UNK: variants seen among roughly 807,000 people sequenced by gnomAD.
UNK encodes the protein unk zinc finger.
Under a neutral mutation model 97.6 loss-of-function variants are expected in UNK, and 32 were observed. The observed-to-expected ratio is 0.33, with a 90% CI of 0.25 to 0.44. The LOEUF (loss-of-function observed/expected upper bound fraction) is 0.44, where lower values mean the gene tolerates loss of function less well. UNK is among the 20% of genes least tolerant of loss of function. UNK has a pLI of 1.00. For synonymous variants in UNK, 441 were observed against 461.2 expected, an observed-to-expected ratio of 0.96 and a Z score of 0.56; for missense variants, 771 against 1,098.4, an observed-to-expected ratio of 0.70 and a Z score of 4.21.
At chr17:75,814,926 G>A (rs1196405648) in intron 6 of UNK, among the ~76,000 whole-genome samples, 6 of 152,180 alleles carry the variant, frequency 3.9e-5, no homozygotes, top group Admixed American at 3.9e-4. Context: ...GGATCCCTTT[G>A]GGAGGGCTGG....
Position 75,823,535 on chromosome 17 carries a change from C to G in UNK, c.2277+13C>G. On this transcript the variant is annotated intron_variant, in intron 15 of 15. Transcript: ENST00000589666. ...ACAAGTGGACAAGGTCAGCCCAGGTCGGGGAGCACTGGGTGGGATGCACGG... is the reference window on the plus strand; with the variant it reads ...ACAAGTGGACAAGGTCAGCCCAGGTGGGGGAGCACTGGGTGGGATGCACGG... The G allele has an allele frequency of 6.5e-7, 1 of 1,532,958 alleles. No homozygotes were observed. Among genetic ancestry groups the G allele is most frequent in the Non-Finnish European group, 8.8e-7 (1 of 1,133,590 alleles). The allele number at this position is 1,532,958 out of a possible 1,614,324, so 95.0% of individuals were successfully genotyped here.
intron 1 of UNK, among the ~76,000 whole-genome samples, chr17:75,793,225 G>A (rs2061777876): frequency 1.3e-5 from 2 of 152,174 alleles, no homozygotes; most frequent in Admixed American, 1.3e-4. Flanking sequence ...GGAGGTGGAA[G>A]AGAAGTTTGC....
chr17:75,787,124 T>C (rs2061719540), intron 1 of UNK, among the ~76,000 whole-genome samples: 1 of 152,192 alleles, frequency 6.6e-6, no homozygotes, highest in Non-Finnish European at 1.5e-5. Context: ...TGTGATGACC[T>C]GGAAAACTTC....
chr17:75,788,146 T>G (rs571256752), intron 1 of UNK, among the ~76,000 whole-genome samples: 1 of 152,186 alleles, frequency 6.6e-6, no homozygotes, highest in South Asian at 2.1e-4. Context: ...ATAGACCCCT[T>G]TTGAATATTT....
At position 75,812,169 on chromosome 17, in the gene UNK, C is replaced by T; in HGVS notation, c.372C>T (p.Tyr124=). Residue 124 remains tyrosine, a synonymous_variant, in exon 3 of 16, where the codon TAC becomes TAT. Coordinates refer to ENST00000589666, the MANE Select transcript of UNK (RefSeq NM_001080419.3). ...GDTERRYHLR[Y]YKTGICIHET... ...CTGAGCGCAGGTACCACCTTCGTTA[C>T]TACAAAACTGGAATCTGCATCCACG... The T allele has an allele frequency of 6.2e-7, 1 of 1,614,054 alleles. No homozygotes were observed. The highest frequency in any genetic ancestry group is 2.2e-5 in the East Asian group (1 of 44,876).
chr17:75,799,071 CAAA>C (rs764969741), intron 1 of UNK, among the ~76,000 whole-genome samples: 1 of 135,242 alleles, frequency 7.4e-6, no homozygotes, highest in Non-Finnish European at 1.6e-5. Flanking sequence ...ATCTCAAAAA[CAAA>C]AAAAAAAAAG....
At chr17:75,815,037 T>TGGAGG (rs1187950859) in intron 6 of UNK, 132 bp from the exon 7 acceptor site, 17 of 705,892 alleles carry the variant, frequency 2.4e-5, no homozygotes, top group Non-Finnish European at 3.6e-5. Flanking sequence ...AGAGACATAG[T>TGGAGG]GGAGGGGAGG....
chr17:75,818,726 C>T lies in UNK; in HGVS notation c.1456C>T (p.Pro486Ser), dbSNP rs754835445. The T allele has an allele frequency of 1.2e-6, 2 of 1,613,338 alleles. No homozygotes were observed. Among genetic ancestry groups the T allele is most frequent in the African/African-American group, 1.3e-5 (1 of 75,026 alleles). Residue 486 changes from proline (P) to serine (S), a missense_variant, in exon 11 of 16, where the codon CCT becomes TCT. By Grantham distance (74) the Pro-to-Ser change is moderately conservative. This residue lies in a region of UNK where 192 missense variants were observed against 202.4 expected (regional missense o/e 0.95). Transcript: ENST00000589666. This position sits in a 1 kb window ranked among gnomAD's most constrained non-coding sequence, Gnocchi z 5.1. Reference sequence around the variant, plus strand: ...CACCTCCAGCCTGGCAGCTACCCCCCCTAGCCCAGTGGGCACCAGCAGCGT... The same window carrying T: ...CACCTCCAGCCTGGCAGCTACCCCCTCTAGCCCAGTGGGCACCAGCAGCGT... ...SITSSLAATP[P>S]SPVGTSSVPG...
At chr17:75,814,243 T>C (rs2061996877) in intron 6 of UNK, among the ~76,000 whole-genome samples, 1 of 151,854 alleles carries the variant, frequency 6.6e-6, no homozygotes, top group Admixed American at 6.6e-5. Flanking sequence ...GGCTTATGCC[T>C]ATAATTCCAG....
intron 1 of UNK, among the ~76,000 whole-genome samples, chr17:75,805,797 TATAAAA>T (rs2061907484): frequency 7.1e-6 from 1 of 140,612 alleles, no homozygotes; most frequent in African/African-American, 2.8e-5. Context: ...GCCCCTGCCT[TATAAAA>T]AGAAAAATGT....
chr17:75,798,162 C>T (rs1444832761), intron 1 of UNK, among the ~76,000 whole-genome samples: 4 of 151,904 alleles, frequency 2.6e-5, no homozygotes, highest in African/African-American at 9.7e-5. Flanking sequence ...TCTCCGCCTC[C>T]CGGGTTCAAG....
chr17:75,786,383 T>C (rs988743236), intron 1 of UNK, among the ~76,000 whole-genome samples: 1 of 152,230 alleles, frequency 6.6e-6, no homozygotes, highest in Non-Finnish European at 1.5e-5. Flanking sequence ...TAAACACATT[T>C]TGAGTCACGA....
chr17:75,820,849 T>G (rs2062061301), intron 13 of UNK, among the ~76,000 whole-genome samples: 1 of 152,068 alleles, frequency 6.6e-6, no homozygotes, highest in Non-Finnish European at 1.5e-5. Context: ...GTGCCAGCAT[T>G]TTGCTCGGGC....
chr17:75,825,126 G>T lies in UNK; in HGVS notation c.*709G>T. The stretch of plus-strand genomic sequence containing the variant: ...GGGCCAGCCCCACTCCTGACACCTG[G>T]GCCCTTGAAGCTCCTTGAGGGGCAA... On this transcript the variant is annotated 3_prime_UTR_variant, in exon 16 of 16. Transcript: ENST00000589666. This position sits in a 1 kb window ranked among gnomAD's most constrained non-coding sequence, Gnocchi z 4.4. 6.6e-6 allele frequency: 1 copy of T among 152,284 alleles called. No homozygotes were observed. Among genetic ancestry groups the T allele is most frequent in the Non-Finnish European group, 1.5e-5 (1 of 67,994 alleles). 9.4% of individuals were successfully genotyped at this position (152,284 alleles called of 1,614,324 possible).
chr17:75,819,349 C>G lies in UNK; in HGVS notation c.1547-335C>G, dbSNP rs1338212879. The G allele has an allele frequency of 2.2e-5, 8 of 362,880 alleles. No individual in the cohort carries two copies. In the Admixed American group the frequency reaches 3.1e-4, roughly 14 times the overall value. 22.5% of individuals were successfully genotyped at this position (362,880 alleles called of 1,614,324 possible). On this transcript the variant is annotated intron_variant, in intron 11 of 15. Transcript: ENST00000589666. The surrounding 1 kb of genome is among the most constrained non-coding windows in gnomAD (Gnocchi z 5.4). ...ACTGAGTGCCCAGAGACCCGCCCAC[C>G]CCCACTGATCCCGGGGCTGAGACCC...
chr17:75,816,820 A>G lies in UNK; in HGVS notation c.1012A>G (p.Thr338Ala), dbSNP rs1401303984. 1.2e-6 allele frequency: 2 copies of G among 1,606,568 alleles called. No homozygotes were observed. Among genetic ancestry groups the G allele is most frequent in the African/African-American group, 1.3e-5 (1 of 74,762 alleles). The stretch of plus-strand genomic sequence containing the variant: ...GCCTTCCTCAGCTGTGTCCAGCCCC[A>G]CCCAGCCAGGTCCTGTCCTGTACAT... ...LQPSSAVSSP[T>A]QPGPVLYMPS... Residue 338 changes from threonine (T) to alanine (A), a missense_variant, in exon 8 of 16, where the codon ACC becomes GCC. Physicochemically the swap from Thr to Ala is moderately conservative, Grantham distance 58. Coordinates refer to ENST00000589666, the MANE Select transcript of UNK (RefSeq NM_001080419.3). This position sits in a 1 kb window ranked among gnomAD's most constrained non-coding sequence, Gnocchi z 4.0.
intron 1 of UNK, among the ~76,000 whole-genome samples, chr17:75,800,079 C>G (rs2061841793): frequency 6.6e-6 from 1 of 152,142 alleles, no homozygotes; most frequent in African/African-American, 2.4e-5. Flanking sequence ...ATTGTTTTCA[C>G]TTTCTTTTGA....
Position 75,785,006 on chromosome 17 carries a change from C to A in UNK, c.104+22C>A, listed in dbSNP as rs763953900. On this transcript the variant is annotated intron_variant, in intron 1 of 15. Coordinates refer to ENST00000589666, the MANE Select transcript of UNK (RefSeq NM_001080419.3). The stretch of plus-strand genomic sequence containing the variant: ...ACACGTACGTAGAGCCCCCCCCCCC[C>A]CGCCGCGCGCGCACGCCTGACGTCA... 43 of 1,361,030 alleles carry A rather than the reference C, an allele frequency of 3.2e-5. 2 individuals are homozygous for A. The Middle Eastern group carries it at 1.1e-3, about 34-fold the overall frequency. 84.3% of individuals were successfully genotyped at this position (1,361,030 alleles called of 1,614,324 possible).
chr17:75,811,468 G>A (rs1269111981), intron 2 of UNK, among the ~76,000 whole-genome samples: 1 of 152,184 alleles, frequency 6.6e-6, no homozygotes. Flanking sequence ...GAAGCACTCA[G>A]GGGATGAAGG....
Sources: allele counts gnomAD v4.1 joint callset (sites outside exome capture counted in the v4.1 genomes callset), GRCh38; gene constraint gnomAD v4.1.1; regional missense constraint gnomAD v4.1.1; non-coding constraint Gnocchi (gnomAD v3.1); transcripts MANE v1.5; gene names NCBI Gene and HGNC (gene_info 2026-07-23, HGNC 2026-07-21).